DPP6: variants seen among roughly 807,000 people sequenced by gnomAD.
DPP6 encodes the protein dipeptidyl peptidase like 6, also known as A-type potassium channel modulatory protein DPP6.
In DPP6, 69 loss-of-function variants were observed where a neutral mutation model predicts 122.6. The observed-to-expected ratio is 0.56, with a 90% CI of 0.46 to 0.69. DPP6 has a LOEUF of 0.69. Among genes scored for constraint, DPP6 ranks in the 30% least tolerant of loss-of-function variants. The pLI, the probability that DPP6 is intolerant of heterozygous loss-of-function variation, is 0.00. For missense variants in DPP6, 928 were observed against 1,116.9 expected (o/e 0.83, Z 2.41); for synonymous variants, 418 against 433.1 (o/e 0.97, Z 0.43).
intron 1 of DPP6, among the ~76,000 whole-genome samples, chr7:153,960,050 A>G (rs1458494809): frequency 6.6e-6 from 1 of 152,220 alleles, no homozygotes; most frequent in Non-Finnish European, 1.5e-5. Flanking sequence ...GAAAAGAGTA[A>G]AAAACCATTT....
At chr7:153,978,784 AC>A (rs1563069657) in intron 1 of DPP6, among the ~76,000 whole-genome samples, 2 of 152,108 alleles carry the variant, frequency 1.3e-5, no homozygotes, top group African/African-American at 2.4e-5. Flanking sequence ...AGTTTTCCCA[AC>A]ACCATTTATT....
At chr7:154,415,804 G>A (rs1043949557) in intron 1 of DPP6, among the ~76,000 whole-genome samples, 3 of 150,756 alleles carry the variant, frequency 2.0e-5, no homozygotes, top group African/African-American at 7.3e-5. Flanking sequence ...CCCCGTTACA[G>A]ATTGAGTTGG....
intron 1 of DPP6, among the ~76,000 whole-genome samples, chr7:154,023,836 A>G (rs915190442): frequency 1.3e-5 from 2 of 152,072 alleles, no homozygotes; most frequent in Admixed American, 6.5e-5. Context: ...CACGCCTCCA[A>G]AAATACTTTG....
intron 13 of DPP6, 92 bp downstream of exon 13, chr7:154,801,554 T>A: frequency 6.9e-7 from 1 of 1,447,628 alleles, no homozygotes; most frequent in Non-Finnish European, 9.1e-7. Flanking sequence ...ACTTGCGTTT[T>A]CGAGGACCCC....
intron 16 of DPP6, among the ~76,000 whole-genome samples, chr7:154,840,856 C>G (rs1338022689): frequency 6.6e-6 from 1 of 152,170 alleles, no homozygotes; most frequent in African/African-American, 2.4e-5. Flanking sequence ...CTGACTCTGC[C>G]AAGTGTTCAC....
rs867628597 is a variant in DPP6, at chr7:154,090,937, A to G, written c.243+37874A>G. Reference sequence around the variant, plus strand: ...AGATCGAGACCATCCTGGCTAACACAGTGAAACCCCGTCTCTACTAAAAAT... The same window carrying G: ...AGATCGAGACCATCCTGGCTAACACGGTGAAACCCCGTCTCTACTAAAAAT... On this transcript the variant is annotated intron_variant, in intron 1 of 25. Coordinates refer to ENST00000377770, the MANE Select transcript of DPP6 (RefSeq NM_130797.4). 3.8e-3 allele frequency among the ~76,000 whole-genome samples: 561 copies of G among 148,922 alleles called. 7 individuals carry two copies. Among genetic ancestry groups the G allele is most frequent in the African/African-American group, 0.012 (487 of 40,264 alleles).
chr7:154,605,050 G>C lies in DPP6; in HGVS notation c.628-32771G>C, dbSNP rs933973337. ...TTTTTTTTTTGAGAAGATTAATATA[G>C]ATCTCTTCTATCCCTTGTTTTAATT... On this transcript the variant is annotated intron_variant, in intron 5 of 25. Coordinates refer to ENST00000377770, the MANE Select transcript of DPP6 (RefSeq NM_130797.4). 1.7e-5 allele frequency among the ~76,000 whole-genome samples: 2 copies of C among 115,254 alleles called. 1 individual carries two copies. The highest frequency in any genetic ancestry group is 5.5e-5 in the African/African-American group (2 of 36,482). The allele number at this position is 115,254 out of a possible 152,430, so 75.6% of individuals were successfully genotyped here. A position where few individuals can be genotyped will look rare whatever the true frequency, so the allele number is the denominator to read the frequency against.
chr7:154,053,634 C>T lies in DPP6; in HGVS notation c.243+571C>T, dbSNP rs550608067. On this transcript the variant is annotated intron_variant, in intron 1 of 25. Transcript: ENST00000377770. Reference sequence around the variant, plus strand: ...CGGTGGTGATGGTGATTATCCTTTCCGGAAAAAAAAAATACCAAAATACTG... The same window carrying T: ...CGGTGGTGATGGTGATTATCCTTTCTGGAAAAAAAAAATACCAAAATACTG... Among the ~76,000 whole-genome samples the T allele has an allele frequency of 9.2e-5, 14 of 151,574 alleles. No individual in the cohort carries two copies. The South Asian group carries it at 2.9e-3, about 32-fold the overall frequency.
chr7:154,310,113 A>G (rs759315907), intron 1 of DPP6, among the ~76,000 whole-genome samples: 2 of 152,180 alleles, frequency 1.3e-5, no homozygotes, highest in Non-Finnish European at 2.9e-5. Context: ...GAAGTCTTGG[A>G]TATCCTACAG....
chr7:154,256,526 T>A (rs373872405), intron 1 of DPP6, among the ~76,000 whole-genome samples: 68 of 152,346 alleles, frequency 4.5e-4, no homozygotes, highest in African/African-American at 1.6e-3. Flanking sequence ...GAACCAGAGC[T>A]CACCCACCTA....
chr7:154,466,220 G>A (rs937777950), intron 2 of DPP6, among the ~76,000 whole-genome samples: 1 of 152,164 alleles, frequency 6.6e-6, no homozygotes, highest in South Asian at 2.1e-4. Context: ...TGGGGGGCAA[G>A]GGAAGGGATA....
chr7:154,350,437 G>T (rs1208715155), intron 1 of DPP6, among the ~76,000 whole-genome samples: 4 of 152,180 alleles, frequency 2.6e-5, no homozygotes, highest in African/African-American at 9.7e-5. Flanking sequence ...TGGAGCTTGT[G>T]TGTGGTATGG....
At chr7:153,826,427 T>C in the DPP6 span, among the ~76,000 whole-genome samples, 2 of 152,204 alleles carry the variant, frequency 1.3e-5, no homozygotes, top group East Asian at 3.9e-4. Context: ...CCAACCCTAG[T>C]TGTCATTGTA....
chr7:154,423,727 A>G (rs890718035), intron 1 of DPP6, among the ~76,000 whole-genome samples: 4 of 152,234 alleles, frequency 2.6e-5, no homozygotes, highest in African/African-American at 9.6e-5. Flanking sequence ...TATTGTCAAA[A>G]TGTATCTCAG....
chr7:154,180,563 AAT>A (rs66696957), intron 1 of DPP6, among the ~76,000 whole-genome samples: 47,872 of 146,196 alleles, frequency 0.33, 7,983 homozygotes, highest in African/African-American at 0.37. Context: ...ATTTAGAGAG[AAT>A]ATATATATAT....
At chr7:154,235,715 A>G (rs1228338658) in intron 1 of DPP6, among the ~76,000 whole-genome samples, 1 of 152,236 alleles carries the variant, frequency 6.6e-6, no homozygotes, top group African/African-American at 2.4e-5. Context: ...TTACTGCACA[A>G]ACCAACTCGA....
rs1289335488 is a variant in DPP6, at chr7:154,863,181, C to T, written c.1715-4814C>T. Among the ~76,000 whole-genome samples, 1 of 152,062 alleles carries T rather than the reference C, an allele frequency of 6.6e-6. No homozygotes were observed. Among genetic ancestry groups the T allele is most frequent in the Non-Finnish European group, 1.5e-5 (1 of 67,994 alleles). ...CCTCCCAAAGCATTGGGATTACAGA[C>T]GTGAGCCACCGCACCCGAACCCTTT... On this transcript the variant is annotated intron_variant, in intron 17 of 25. Coordinates refer to ENST00000377770, the MANE Select transcript of DPP6 (RefSeq NM_130797.4). The surrounding 1 kb of genome is among the most constrained non-coding windows in gnomAD (Gnocchi z 4.1).
intron 1 of DPP6, among the ~76,000 whole-genome samples, chr7:154,143,390 G>T (rs1194518775): frequency 6.6e-6 from 1 of 151,308 alleles, no homozygotes; most frequent in African/African-American, 2.4e-5. Flanking sequence ...TATAACTGGG[G>T]GATGTAACCT....
At chr7:153,891,365 A>C (rs1297756313) in intron 1 of DPP6, among the ~76,000 whole-genome samples, 1 of 152,140 alleles carries the variant, frequency 6.6e-6, no homozygotes, top group African/African-American at 2.4e-5. Flanking sequence ...CTATTTCATA[A>C]ACTTATAATA....
Sources: gnomAD v4.1 joint callset for allele counts (sites outside exome capture counted in the v4.1 genomes callset) on GRCh38, gnomAD v4.1.1 for gene constraint, Gnocchi (gnomAD v3.1) non-coding constraint, MANE v1.5 for transcripts, NCBI Gene and HGNC (gene_info 2026-07-23, HGNC 2026-07-21) for gene names.